RARB: variants seen among roughly 807,000 people sequenced by gnomAD.
RARB encodes retinoic acid receptor beta.
Under a neutral mutation model 51.9 loss-of-function variants are expected in RARB, and 17 were observed. That is an observed-to-expected ratio of 0.33 (90% CI 0.22 to 0.49). The LOEUF (loss-of-function observed/expected upper bound fraction) is 0.49. Among genes scored for constraint, RARB ranks in the 20% least tolerant of loss-of-function variants. RARB has a pLI of 0.99. For missense variants in RARB, 369 were observed against 550.8 expected, an observed-to-expected ratio of 0.67 and a Z score of 3.30; for synonymous variants, 215 against 195.4, an observed-to-expected ratio of 1.10 and a Z score of -0.84.
chr3:25,014,075 C>T (rs7649007), intron 2 of RARB, among the ~76,000 whole-genome samples: 122,151 of 152,042 alleles, frequency 0.8, 49,381 homozygotes, highest in African/African-American at 0.89. Context: ...TCAAAACTTA[C>T]CTCCTTATCA....
intron 2 of RARB, among the ~76,000 whole-genome samples, chr3:24,958,271 T>TTTTTTTG (rs1559411551): frequency 7.3e-6 from 1 of 137,518 alleles, no homozygotes; most frequent in Non-Finnish European, 1.6e-5. Flanking sequence ...TTTTTTTTTT[T>TTTTTTTG]TTTTTTTTTT....
intron 2 of RARB, among the ~76,000 whole-genome samples, chr3:25,018,323 A>C (rs1390332821): frequency 6.6e-6 from 1 of 152,184 alleles, no homozygotes; most frequent in East Asian, 1.9e-4. Context: ...AATTCTCTAA[A>C]GCAGTATAAT....
chr3:25,117,254 C>G (rs967620691), intron 3 of RARB, among the ~76,000 whole-genome samples: 2 of 152,088 alleles, frequency 1.3e-5, no homozygotes, highest in Non-Finnish European at 2.9e-5. Flanking sequence ...ATAACTGCGC[C>G]TGAAGGTGTG....
chr3:24,983,974 T>A (rs1195122133), intron 2 of RARB, among the ~76,000 whole-genome samples: 1 of 152,230 alleles, frequency 6.6e-6, no homozygotes, highest in African/African-American at 2.4e-5. Context: ...TAATTTTCTA[T>A]TTAGTTTACA....
chr3:25,138,958 A>T (rs759153300), intron 4 of RARB, among the ~76,000 whole-genome samples: 1 of 152,124 alleles, frequency 6.6e-6, no homozygotes, highest in Non-Finnish European at 1.5e-5. Flanking sequence ...GAATATTTCA[A>T]ACTTTTTCAT....
At chr3:24,858,699 C>T (rs1365977055) in exon 2 of RARB, 2 of 152,096 alleles carry the variant, frequency 1.3e-5, no homozygotes, top group Non-Finnish European at 2.9e-5. Flanking sequence ...CATAAAAAGA[C>T]AGTCACCAGT....
chr3:25,419,982 C>T (rs568461968), intron 5 of RARB, among the ~76,000 whole-genome samples: 92 of 152,210 alleles, frequency 6.0e-4, no homozygotes, highest in African/African-American at 2.1e-3. Context: ...TTTCGAAGCT[C>T]TTGGTTGACT....
intron 1 of RARB, among the ~76,000 whole-genome samples, chr3:25,434,048 C>G (rs1055294503): frequency 2.0e-5 from 3 of 152,150 alleles, no homozygotes; most frequent in African/African-American, 7.2e-5. Flanking sequence ...TAAGATAAGA[C>G]TCTCTGCCCC....
chr3:25,561,558 G>A (rs1256250712), intron 3 of RARB, among the ~76,000 whole-genome samples: 1 of 151,900 alleles, frequency 6.6e-6, no homozygotes. Flanking sequence ...GTTCAAGCTG[G>A]CTCCAGATTG....
intron 5 of RARB, among the ~76,000 whole-genome samples, chr3:25,309,041 C>T (rs1704220185): frequency 1.3e-5 from 2 of 152,088 alleles, no homozygotes; most frequent in African/African-American, 4.8e-5. Context: ...CAACCAAAAC[C>T]ACTTTGTTGA....
chr3:24,994,597 T>A (rs1217936429), intron 2 of RARB, among the ~76,000 whole-genome samples: 2 of 152,078 alleles, frequency 1.3e-5, no homozygotes, highest in Admixed American at 1.3e-4. Flanking sequence ...GTGTTTCCCC[T>A]ATTTTTTCCT....
chr3:25,512,748 A>G (rs1697958612), intron 3 of RARB, among the ~76,000 whole-genome samples: 1 of 152,208 alleles, frequency 6.6e-6, no homozygotes, highest in Non-Finnish European at 1.5e-5. Flanking sequence ...TTGCCTCTCC[A>G]TGCTATGAAG....
At chr3:25,542,864 T>C (rs573177494) in intron 3 of RARB, among the ~76,000 whole-genome samples, 42 of 152,336 alleles carry the variant, frequency 2.8e-4, no homozygotes, top group African/African-American at 8.7e-4. Context: ...GTGAAGTGTT[T>C]AGTATTGTTT....
At chr3:24,946,753 C>T (rs11129172) in intron 2 of RARB, among the ~76,000 whole-genome samples, 28,350 of 151,936 alleles carry the variant, frequency 0.19, 3,363 homozygotes, top group East Asian at 0.34. Context: ...GTAGTCCCAG[C>T]TCCCAAGAAA....
At chr3:24,974,240 T>C (rs1311398062) in intron 2 of RARB, among the ~76,000 whole-genome samples, 1 of 152,216 alleles carries the variant, frequency 6.6e-6, no homozygotes, top group South Asian at 2.1e-4. Flanking sequence ...TGTTATTTAT[T>C]GATTTGCATA....
chr3:24,977,446 G>A (rs1696542661), intron 2 of RARB, among the ~76,000 whole-genome samples: 1 of 152,100 alleles, frequency 6.6e-6, no homozygotes, highest in Non-Finnish European at 1.5e-5. Flanking sequence ...TTGAGCAGTG[G>A]TTTGTAGTTC....
At chr3:25,479,152 CTTCT>C (rs1219870364) in intron 2 of RARB, among the ~76,000 whole-genome samples, 3 of 150,012 alleles carry the variant, frequency 2.0e-5, no homozygotes, top group East Asian at 2.0e-4. Flanking sequence ...GTCTGTCTGT[CTTCT>C]TTTTTTTTTG....
intron 2 of RARB, among the ~76,000 whole-genome samples, chr3:24,866,884 G>T (rs1046623129): frequency 1.3e-5 from 2 of 152,052 alleles, no homozygotes; most frequent in Non-Finnish European, 2.9e-5. Flanking sequence ...GGATAGTTTG[G>T]CGGGAGAAAG....
At chr3:25,376,441 G>C (rs1288749895) in intron 5 of RARB, among the ~76,000 whole-genome samples, 4 of 152,088 alleles carry the variant, frequency 2.6e-5, no homozygotes, top group Non-Finnish European at 5.9e-5. Context: ...AGTCTTTATG[G>C]CCCCAGATAC....
Sources: allele counts gnomAD v4.1 joint callset (sites outside exome capture counted in the v4.1 genomes callset), GRCh38; gene constraint gnomAD v4.1.1; transcripts MANE v1.5; gene names NCBI Gene and HGNC (gene_info 2026-07-23, HGNC 2026-07-21).